Variants in CLK2 observed in about 807,000 individuals in gnomAD.
CLK2 encodes the protein dual specificity protein kinase CLK2.
In CLK2, 12 loss-of-function variants were observed where a neutral mutation model predicts 73.5. The ratio of observed to expected loss-of-function variants is 0.16; its 90% CI spans 0.10 to 0.26. The LOEUF (loss-of-function observed/expected upper bound fraction) is 0.26. Among genes scored for constraint, CLK2 ranks in the 10% least tolerant of loss-of-function variants. The pLI is 1.00. For missense variants in CLK2, 509 were observed against 688.4 expected (o/e 0.74, Z 2.92); for synonymous variants, 232 against 237.9 (o/e 0.98, Z 0.23).
In CLK2 at chr1:155,269,528, C is replaced by A; in HGVS notation, c.359G>T (p.Arg120Leu). ...AAATGTCCGGCTGCGCCTCCTCCGC[C>A]GTCTGTGCTTCCTCCGGCTGCTGCG... ...SQRSSRRKHR[R>L]RRRRSRTFSR... Residue 120 changes from arginine (R) to leucine (L), a missense_variant, in exon 3 of 13, where the codon CGG becomes CTG. Arg to Leu is a moderately radical substitution (Grantham distance 102). Around this residue, in one of 6 missense-constraint regions of CLK2, gnomAD observed 222 missense variants for 221.7 expected, o/e 1.00. Coordinates refer to ENST00000368361, the MANE Select transcript of CLK2 (RefSeq NM_001294338.2). 6.2e-7 allele frequency: 1 copy of A among 1,614,042 alleles called. No homozygotes were observed.
intron 1 of CLK2, among the ~76,000 whole-genome samples, chr1:155,272,131 C>T (rs145677307): frequency 4.5e-3 from 686 of 152,152 alleles, no homozygotes; most frequent in Non-Finnish European, 6.0e-3. Flanking sequence ...ATTCTCCTGC[C>T]TCAGCCTCCC....
rs1673469603 is a variant in CLK2, at chr1:155,270,920, C to G, written c.58G>C (p.Glu20Gln). ...SERGSRGSYREHYRSRKHKRR... is the reference protein window; with the variant it reads ...SERGSRGSYRQHYRSRKHKRR... ...TTATGCTTTCGGCTCCGATAGTGTT[C>G]ACGGTAACTCCCCCGGCTGCCTCGC... The change falls in exon 2 of 13, where the codon GAA becomes CAA. Residue 20 changes from glutamate (E) to glutamine (Q), a missense_variant. This residue lies in a region of CLK2 where 222 missense variants were observed against 221.7 expected (regional missense o/e 1.00). Transcript: ENST00000368361. The G allele has an allele frequency of 1.2e-6, 2 of 1,614,158 alleles. No individual in the cohort carries two copies. The highest frequency in any genetic ancestry group is 4.5e-5 in the East Asian group (2 of 44,886).
rs772069185 is a variant in CLK2 at position 155,266,730 on chromosome 1, C to A, written c.837G>T (p.Lys279Asn). ...HMAFQLCQAV[K>N]FLHDNKLTHT... Reference sequence around the variant, plus strand: ...TCCACTTCGGCCCACCCCACTCACACTTGACAGCCTGGCACAGCTGGAAGG... The same window carrying A: ...TCCACTTCGGCCCACCCCACTCACAATTGACAGCCTGGCACAGCTGGAAGG... The change falls in exon 7 of 13, where the codon AAG becomes AAT. Residue 279 changes from lysine to asparagine, a missense_variant and splice_region_variant. Lys to Asn is a moderately conservative substitution (Grantham distance 94). This residue lies in a region of CLK2 where 27 missense variants were observed against 30.5 expected (regional missense o/e 0.89). Coordinates refer to ENST00000368361, the MANE Select transcript of CLK2 (RefSeq NM_001294338.2). The A allele has an allele frequency of 3.7e-6, 6 of 1,611,418 alleles. No individual in the cohort carries two copies. The Admixed American group carries it at 5.0e-5, about 14-fold the overall frequency.
At chr1:155,266,018 C>T (rs1269808140) in intron 7 of CLK2, 64 bp from the exon 8 acceptor site, 2 of 1,136,106 alleles carry the variant, frequency 1.8e-6, no homozygotes, top group Non-Finnish European at 1.3e-6. Flanking sequence ...TATCAGCTGA[C>T]CCCAGGCCTG....
rs778215534 is a variant in CLK2, at chr1:155,268,832, G to T, written c.400-37C>A. 20 of 1,434,468 alleles carry T rather than the reference G, an allele frequency of 1.4e-5. No homozygotes were observed. Among genetic ancestry groups the T allele is most frequent in the Non-Finnish European group, 1.9e-5 (19 of 1,026,798 alleles). 88.9% of individuals were successfully genotyped at this position (1,434,468 alleles called of 1,614,324 possible). A position where few individuals can be genotyped will look rare whatever the true frequency, so the allele number is the denominator to read the frequency against. On this transcript the variant is annotated intron_variant, in intron 3 of 12. Transcript: ENST00000368361. This position sits in a 1 kb window ranked among gnomAD's most constrained non-coding sequence, Gnocchi z 5.6. ...CAGGGGGGGTCGGAGCAAGCCAGGT[G>T]TCGGAGCGGGGGCCGGAGGGAGGCG...
intron 6 of CLK2, among the ~76,000 whole-genome samples, chr1:155,267,447 G>C (rs61812061): frequency 1.7e-3 from 254 of 152,248 alleles, no homozygotes; most frequent in Non-Finnish European, 2.7e-3. Context: ...ATTTGCTGAA[G>C]AGCTGTGGAG....
chr1:155,271,071 C>A (rs1673480876), intron 1 of CLK2, 94 bp from the exon 2 acceptor site: 2 of 1,295,582 alleles, frequency 1.5e-6, no homozygotes, highest in Admixed American at 3.7e-5. Context: ...AGCTGCTTTC[C>A]CCTCTTATTT....
chr1:155,265,792 C>A, intron 8 of CLK2, 68 bp downstream of exon 8: 1 of 1,038,174 alleles, frequency 9.6e-7, no homozygotes, highest in Admixed American at 1.7e-5. Context: ...AAACAAAGGG[C>A]TCGGCAGAAG....
In CLK2 at chr1:155,270,176, G is replaced by A. The variant is rs925434905; in HGVS notation, c.171-460C>T. Among the ~76,000 whole-genome samples the A allele has an allele frequency of 2.0e-5, 3 of 150,216 alleles. No homozygotes were observed. In the South Asian group the frequency reaches 6.3e-4, roughly 32 times the overall value. ...GAGGTCAGGAGTTTGAGGCCAACAT[G>A]GTGAAATCCTGTCTCTACTAAAAAT... On this transcript the variant is annotated intron_variant, in intron 2 of 12. Transcript: ENST00000368361.
intron 6 of CLK2, among the ~76,000 whole-genome samples, chr1:155,267,249 T>C (rs1376180938): frequency 6.6e-6 from 1 of 152,082 alleles, no homozygotes; most frequent in African/African-American, 2.4e-5. Context: ...TCCACCACCA[T>C]GCCCGGCTAA....
intron 6 of CLK2, among the ~76,000 whole-genome samples, chr1:155,267,339 C>T (rs1199693856): frequency 6.6e-6 from 1 of 152,206 alleles, no homozygotes; most frequent in Non-Finnish European, 1.5e-5. Context: ...GATCCACCCG[C>T]CTCGGCCTCC....
rs1673339022 is a variant in CLK2, at chr1:155,268,588, C to T, written c.487+120G>A. 2.0e-6 allele frequency: 2 copies of T among 1,001,166 alleles called. No homozygotes were observed. The highest frequency in any genetic ancestry group is 3.1e-6 in the Non-Finnish European group (2 of 635,060). 62.0% of individuals were successfully genotyped at this position (1,001,166 alleles called of 1,614,324 possible). On this transcript the variant is annotated intron_variant, in intron 4 of 12. Coordinates refer to ENST00000368361, the MANE Select transcript of CLK2 (RefSeq NM_001294338.2). The surrounding 1 kb of genome is among the most constrained non-coding windows in gnomAD (Gnocchi z 5.6). Reference sequence around the variant, plus strand: ...GGTCAATTCTCAACAGCAACTCAAACCACCCAGATAAACAACACCACTGAG... The same window carrying T: ...GGTCAATTCTCAACAGCAACTCAAATCACCCAGATAAACAACACCACTGAG...
At chr1:155,267,103 TTTTG>T (rs1221063887) in intron 6 of CLK2, among the ~76,000 whole-genome samples, 4 of 152,130 alleles carry the variant, frequency 2.6e-5, no homozygotes, top group African/African-American at 9.7e-5. Context: ...TTTTTTTCTT[TTTTG>T]TTTTTGAGAT....
intron 1 of CLK2, among the ~76,000 whole-genome samples, chr1:155,271,511 AC>A (rs1287509992): frequency 6.6e-6 from 1 of 152,182 alleles, no homozygotes; most frequent in African/African-American, 2.4e-5. Flanking sequence ...GGCGTGAGCC[AC>A]CGCACCCAGC....
At chr1:155,267,886 T>C in intron 6 of CLK2, 124 bp downstream of exon 6, 1 of 714,640 alleles carries the variant, frequency 1.4e-6, no homozygotes, top group Non-Finnish European at 2.5e-6. Flanking sequence ...TCTAAGATGA[T>C]GAACAAAAGA....
chr1:155,270,541 A>G (rs1673445072), intron 2 of CLK2, among the ~76,000 whole-genome samples: 1 of 151,838 alleles, frequency 6.6e-6, no homozygotes, highest in Non-Finnish European at 1.5e-5. Flanking sequence ...CTCCAGACAT[A>G]TACAGATGTT....
intron 8 of CLK2, among the ~76,000 whole-genome samples, chr1:155,265,133 G>A (rs1366025899): frequency 1.3e-5 from 2 of 152,158 alleles, no homozygotes; most frequent in Admixed American, 6.5e-5. Context: ...GTAACATGTA[G>A]CAAAGGAGTT....
rs147653486 is a variant in CLK2, at chr1:155,265,920, G to C, written c.873C>G (p.Leu291=). ...LHDNKLTHTD[L]KPENILFVNS... is the part of the protein sequence containing the mutation. ...TCACAAACAGAATATTTTCAGGCTT[G>C]AGGTCTGTATGTGTCAGCTTGTTAT... is the stretch of plus-strand genomic sequence containing the variant. The change falls in exon 8 of 13, where the codon CTC becomes CTG. Residue 291 remains leucine, a synonymous_variant. Coordinates refer to ENST00000368361, the MANE Select transcript of CLK2 (RefSeq NM_001294338.2). 22 of 1,613,218 alleles carry C rather than the reference G, an allele frequency of 1.4e-5. No homozygotes were observed. The highest frequency in any genetic ancestry group is 1.2e-5 in the Non-Finnish European group (14 of 1,179,188).
In CLK2 at chr1:155,268,856, C is replaced by T. The variant is rs1458111379; in HGVS notation, c.400-61G>A. 1.5e-5 allele frequency: 3 copies of T among 193,828 alleles called. No individual in the cohort carries two copies. Among genetic ancestry groups the T allele is most frequent in the Non-Finnish European group, 2.9e-5 (3 of 102,404 alleles). 12.0% of individuals were successfully genotyped at this position (193,828 alleles called of 1,614,324 possible). On this transcript the variant is annotated intron_variant, in intron 3 of 12. Transcript: ENST00000368361. The surrounding 1 kb of genome is among the most constrained non-coding windows in gnomAD (Gnocchi z 5.6). ...TGTCGGAGCGGGGGCCGGAGGGAGGCGGGGTGGGTGGTAGAGGGGTCACCG... is the reference window on the plus strand; with the variant it reads ...TGTCGGAGCGGGGGCCGGAGGGAGGTGGGGTGGGTGGTAGAGGGGTCACCG...
Sources: gnomAD v4.1 joint callset for allele counts (sites outside exome capture counted in the v4.1 genomes callset) on GRCh38, gnomAD v4.1.1 for gene constraint, gnomAD v4.1.1 regional missense constraint, Gnocchi (gnomAD v3.1) non-coding constraint, MANE v1.5 for transcripts, NCBI Gene and HGNC (gene_info 2026-07-23, HGNC 2026-07-21) for gene names.